Variants in CSNK2A3 observed in about 807,000 individuals in gnomAD.
The protein encoded by CSNK2A3 is casein kinase II subunit alpha 3.
A neutral mutation model predicts 36.5 loss-of-function variants in CSNK2A3; 31 were observed. The ratio of observed to expected loss-of-function variants is 0.85; its 90% CI spans 0.64 to 1.15. The LOEUF (loss-of-function observed/expected upper bound fraction) is 1.15. Among genes scored for constraint, CSNK2A3 ranks in the 50% most tolerant of loss-of-function variants. The pLI is 0.00. For missense variants in CSNK2A3, 443 were observed against 487.2 expected (o/e 0.91, Z 0.85); for synonymous variants, 152 against 176.3 (o/e 0.86, Z 1.09).
At chr11:11,352,326 A>T in the CSNK2A3 span, 1 of 1,614,032 alleles carries the variant, frequency 6.2e-7, no homozygotes, top group Admixed American at 1.7e-5. Flanking sequence ...ACGTGGATCT[A>T]ATTCAATGTT....
At position 11,352,264 on chromosome 11, in the gene CSNK2A3, G is replaced by T; in HGVS notation, c.856C>A (p.His286Asn). ...CTGACAAGGTGCTGATTTTCACTGT[G>T]GACAAAGCGTTCCCATCGCTTTCGA... The part of the protein sequence containing the change: ...HSRKRWERFV[H>N]SENQHLVSPE... The change falls in exon 1 of 1, where the codon CAC (histidine) becomes AAC (asparagine). Residue 286 changes from histidine (H) to asparagine (N), a missense_variant. Physicochemically the swap from His to Asn is moderately conservative, Grantham distance 68. Transcript: ENST00000528848. 1 of 1,614,074 alleles carries T rather than the reference G, an allele frequency of 6.2e-7. No homozygotes were observed. The highest frequency in any genetic ancestry group is 8.5e-7 in the Non-Finnish European group (1 of 1,180,020).
chr11:11,352,088 C>G lies in CSNK2A3; in HGVS notation c.1032G>C (p.Thr344=), dbSNP rs1056963. The change falls in exon 1 of 1, where the codon ACG becomes ACC. Residue 344 remains threonine, a synonymous_variant. Transcript: ENST00000528848. The stretch of plus-strand genomic sequence containing the variant: ...ACATCACATTGGCGCTGCTGACGGG[C>G]GTACTGCCCCCTGGCATGCTAGATG... ...MGSSSMPGGS[T]PVSSANVMSG... is the part of the protein sequence containing the mutation. The G allele has an allele frequency of 6.2e-7, 1 of 1,613,212 alleles. No individual in the cohort carries two copies. Among genetic ancestry groups the G allele is most frequent in the Non-Finnish European group, 8.5e-7 (1 of 1,179,956 alleles).
Position 11,352,321 on chromosome 11 carries a change from G to T in CSNK2A3, c.799C>A (p.Pro267Thr). 1.9e-6 allele frequency: 3 copies of T among 1,614,050 alleles called. No individual in the cohort carries two copies. Among genetic ancestry groups the T allele is most frequent in the Non-Finnish European group, 2.5e-6 (3 of 1,180,012 alleles). The change falls in exon 1 of 1, where the codon CCA becomes ACA. Residue 267 changes from proline (P) to threonine (T), a missense_variant. Coordinates refer to ENST00000528848, the MANE Select transcript of CSNK2A3 (RefSeq NM_001256686.2). ...YIDKYNIELD[P>T]RFNDILGRHS... ...CTGCCCAAGATATCATTGAAACGTG[G>T]ATCTAATTCAATGTTGTATTTGTCA...
chr11:11,352,435 T>C lies in CSNK2A3; in HGVS notation c.685A>G (p.Lys229Glu). 1.9e-6 allele frequency: 3 copies of C among 1,614,138 alleles called. No homozygotes were observed. Among genetic ancestry groups the C allele is most frequent in the Non-Finnish European group, 2.5e-6 (3 of 1,180,006 alleles). ...GCMLASMIFR[K>E]EPFFHGRDNY... ...TCACGTCCATGGAAAAATGGCTCCTTCCGAAAGATCATACTTGCCAGCATA... is the reference window on the plus strand; with the variant it reads ...TCACGTCCATGGAAAAATGGCTCCTCCCGAAAGATCATACTTGCCAGCATA... The change falls in exon 1 of 1, where the codon AAG becomes GAG. Residue 229 changes from lysine (K) to glutamate (E), a missense_variant. Transcript: ENST00000528848.
rs1850421456 is a variant in CSNK2A3 at position 11,352,131 on chromosome 11, T to A, written c.989A>T (p.Asp330Val). Residue 330 changes from aspartate (D) to valine (V), a missense_variant, in exon 1 of 1, where the codon GAC becomes GTC. Physicochemically the swap from Asp to Val is radical, Grantham distance 152 (BLOSUM62 -3). Coordinates refer to ENST00000528848, the MANE Select transcript of CSNK2A3 (RefSeq NM_001256686.2). ...GCTAGATGAACCCATTCGAGCCTGG[T>A]CCTTCACAACAGTGTAGAAATAGGG... ...EHPYFYTVVK[D>V]QARMGSSSMP... is the part of the protein sequence containing the mutation. 1 of 1,612,992 alleles carries A rather than the reference T, an allele frequency of 6.2e-7. No homozygotes were observed. Among genetic ancestry groups the A allele is most frequent in the South Asian group, 1.1e-5 (1 of 90,988 alleles).
rs1011482430 is a variant in CSNK2A3 at position 11,352,013 on chromosome 11, G to A, written c.1107C>T (p.Gly369=). The change falls in exon 1 of 1, where the codon GGC becomes GGT. Residue 369 remains glycine, a synonymous_variant. Transcript: ENST00000528848. ...GGTTGGCAGCAGCAATCACTGGTGA[G>A]CCTGCCAGAGGTCCAAGGGGTGAAG... ...PTPSPLGPLA[G]SPVIAAANPL... is the part of the protein sequence containing the mutation. 2.8e-5 allele frequency: 45 copies of A among 1,613,288 alleles called. No homozygotes were observed. Among genetic ancestry groups the A allele is most frequent in the African/African-American group, 5.3e-5 (4 of 74,778 alleles).
Position 11,352,354 on chromosome 11 carries a change from C to T in CSNK2A3, c.766G>A (p.Gly256Ser). The change falls in exon 1 of 1, where the codon GGC becomes AGC. Residue 256 changes from glycine to serine, a missense_variant. By Grantham distance (56) the Gly-to-Ser change is moderately conservative (BLOSUM62 0). Coordinates refer to ENST00000528848, the MANE Select transcript of CSNK2A3 (RefSeq NM_001256686.2). ...AKFLGTEDLY[G>S]YIDKYNIELD... Reference sequence around the variant, plus strand: ...TCAATGTTGTATTTGTCAATATAGCCATATAAATCTTCTGTCCCCAGAAAC... The same window carrying T: ...TCAATGTTGTATTTGTCAATATAGCTATATAAATCTTCTGTCCCCAGAAAC... The T allele has an allele frequency of 6.2e-7, 1 of 1,614,074 alleles. No individual in the cohort carries two copies. Among genetic ancestry groups the T allele is most frequent in the Non-Finnish European group, 8.5e-7 (1 of 1,180,012 alleles).
At position 11,352,751 on chromosome 11, in the gene CSNK2A3, T is replaced by C. The variant is rs755289709; in HGVS notation, c.369A>G (p.Gln123=). 5 of 1,614,032 alleles carry C rather than the reference T, an allele frequency of 3.1e-6. No homozygotes were observed. Among genetic ancestry groups the C allele is most frequent in the Non-Finnish European group, 4.2e-6 (5 of 1,180,032 alleles). The part of the protein sequence containing the change: ...FEHVNNTDFK[Q]LYQTLTDYDI... ...CATAGTCTGTTAACGTCTGGTACAA[T>C]TGCTTGAAGTCTGTGTTGTTTACGT... The change falls in exon 1 of 1, where the codon CAA becomes CAG. Residue 123 remains glutamine (Q), a synonymous_variant. Coordinates refer to ENST00000528848, the MANE Select transcript of CSNK2A3 (RefSeq NM_001256686.2).
At position 11,352,971 on chromosome 11, in the gene CSNK2A3, T is replaced by A. The variant is rs781090364; in HGVS notation, c.149A>T (p.Tyr50Phe). The A allele has an allele frequency of 1.9e-6, 3 of 1,614,206 alleles. No individual in the cohort carries two copies. The highest frequency in any genetic ancestry group is 3.3e-5 in the Admixed American group (2 of 60,022). The change falls in exon 1 of 1, where the codon TAC becomes TTC. Residue 50 changes from tyrosine to phenylalanine, a missense_variant. Coordinates refer to ENST00000528848, the MANE Select transcript of CSNK2A3 (RefSeq NM_001256686.2). ...GTTGATGGCTTCAAATACTTCACTG[T>A]ATTTACCTCGGCCTAATTTTCGAAC... Reference protein sequence around the residue: ...QLVRKLGRGKYSEVFEAINIT... With the variant: ...QLVRKLGRGKFSEVFEAINIT...
rs1486470496 is a variant in CSNK2A3, at chr11:11,353,050, A to G, written c.70T>C (p.Trp24Arg). Reference protein sequence around the residue: ...DVNTHRPREYWDYESHVVEWG... With the variant: ...DVNTHRPREYRDYESHVVEWG... ...TCCACCACATGTGACTCGTAATCCC[A>G]GTATTCTCGAGGTCTGTGTGTATTA... Residue 24 changes from tryptophan to arginine, a missense_variant, in exon 1 of 1, where the codon TGG becomes CGG. Trp to Arg is a moderately radical substitution (Grantham distance 101). Transcript: ENST00000528848. 1.2e-6 allele frequency: 2 copies of G among 1,614,164 alleles called. No individual in the cohort carries two copies. The highest frequency in any genetic ancestry group is 2.2e-5 in the East Asian group (1 of 44,878).
chr11:11,352,546 C>T lies in CSNK2A3; in HGVS notation c.574G>A (p.Val192Ile), dbSNP rs1850434217. ...GGACCTTTGAAGTATCGGGAAGCAA[C>T]TCGGACATTATATTCTTGGCCAGGA... ...YHPGQEYNVR[V>I]ASRYFKGPEL... The change falls in exon 1 of 1, where the codon GTT becomes ATT. Residue 192 changes from valine (V) to isoleucine (I), a missense_variant. Transcript: ENST00000528848. The T allele has an allele frequency of 1.2e-6, 2 of 1,614,100 alleles. No individual in the cohort carries two copies. The highest frequency in any genetic ancestry group is 1.7e-6 in the Non-Finnish European group (2 of 1,180,026).
At chr11:11,352,608 AG>A in the CSNK2A3 span, 1 of 1,614,216 alleles carries the variant, frequency 6.2e-7, no homozygotes, top group South Asian at 1.1e-5. Flanking sequence ...TATTAGTCGT[AG>A]CTTTCTGTGC....
At position 11,352,680 on chromosome 11, in the gene CSNK2A3, C is replaced by T; in HGVS notation, c.440G>A (p.Cys147Tyr). ...TCTGTGCATAATTCCCATGCTGTGA[C>T]AATAATCCAGGGCCTTCAGAATCTC... ...MYEILKALDY[C>Y]HSMGIMHRDV... Residue 147 changes from cysteine (C) to tyrosine (Y), a missense_variant, in exon 1 of 1, where the codon TGT becomes TAT. Transcript: ENST00000528848. 1 of 1,613,384 alleles carries T rather than the reference C, an allele frequency of 6.2e-7. No individual in the cohort carries two copies. Among genetic ancestry groups the T allele is most frequent in the Non-Finnish European group, 8.5e-7 (1 of 1,180,022 alleles).
rs757802728 is a variant in CSNK2A3, at chr11:11,352,521, G to C, written c.599C>G (p.Pro200Arg). The change falls in exon 1 of 1, where the codon CCT (proline) becomes CGT (arginine). Residue 200 changes from proline to arginine, a missense_variant. Physicochemically the swap from Pro to Arg is moderately radical, Grantham distance 103 (BLOSUM62 -2). Coordinates refer to ENST00000528848, the MANE Select transcript of CSNK2A3 (RefSeq NM_001256686.2). ...CATCTGATAGTCTACAAGTAGCTCA[G>C]GACCTTTGAAGTATCGGGAAGCAAC... is the stretch of plus-strand genomic sequence containing the variant. ...VRVASRYFKG[P>R]ELLVDYQMYD... The C allele has an allele frequency of 3.1e-6, 5 of 1,614,004 alleles. No homozygotes were observed. In the South Asian group the frequency reaches 5.5e-5, roughly 18 times the overall value.
In CSNK2A3 at chr11:11,353,045, A is replaced by C. The variant is rs751405463; in HGVS notation, c.75T>G (p.Asp25Glu). 2 of 1,614,030 alleles carry C rather than the reference A, an allele frequency of 1.2e-6. No homozygotes were observed. The highest frequency in any genetic ancestry group is 2.7e-5 in the African/African-American group (2 of 74,908). ...CCCATTCCACCACATGTGACTCGTA[A>C]TCCCAGTATTCTCGAGGTCTGTGTG... ...VNTHRPREYW[D>E]YESHVVEWGN... The change falls in exon 1 of 1, where the codon GAT (aspartate) becomes GAG (glutamate). Residue 25 changes from aspartate (D) to glutamate (E), a missense_variant. By Grantham distance (45) the Asp-to-Glu change is conservative (BLOSUM62 2). Coordinates refer to ENST00000528848, the MANE Select transcript of CSNK2A3 (RefSeq NM_001256686.2).
chr11:11,352,617 T>G lies in CSNK2A3; in HGVS notation c.503A>C (p.His168Pro), dbSNP rs1850436570. ...CCAGTCTATTAGTCGTAGCTTTCTG[T>G]GCTCATGATCAATCATGACATTATG... ...KPHNVMIDHE[H>P]RKLRLIDWGL... The change falls in exon 1 of 1, where the codon CAC (histidine) becomes CCC (proline). Residue 168 changes from histidine (H) to proline (P), a missense_variant. By Grantham distance (77) the His-to-Pro change is moderately conservative (BLOSUM62 -2). Coordinates refer to ENST00000528848, the MANE Select transcript of CSNK2A3 (RefSeq NM_001256686.2). 1 of 1,614,186 alleles carries G rather than the reference T, an allele frequency of 6.2e-7. No homozygotes were observed. The highest frequency in any genetic ancestry group is 8.5e-7 in the Non-Finnish European group (1 of 1,180,034).
At position 11,352,397 on chromosome 11, in the gene CSNK2A3, C is replaced by A; in HGVS notation, c.723G>T (p.Gln241His). 6.2e-7 allele frequency: 1 copy of A among 1,614,172 alleles called. No homozygotes were observed. Residue 241 changes from glutamine (Q) to histidine (H), a missense_variant, in exon 1 of 1, where the codon CAG becomes CAT. Coordinates refer to ENST00000528848, the MANE Select transcript of CSNK2A3 (RefSeq NM_001256686.2). ...CCAGAAACTTGGCTATCCTCACCAA[C>A]TGATCATAATTGTCACGTCCATGGA... ...PFFHGRDNYD[Q>H]LVRIAKFLGT... is the part of the protein sequence containing the mutation.
In CSNK2A3 at chr11:11,352,492, C is replaced by T. The variant is rs774332368; in HGVS notation, c.628G>A (p.Asp210Asn). ...PELLVDYQMYDYSLDMWRLGC... is the reference protein window; with the variant it reads ...PELLVDYQMYNYSLDMWRLGC... ...AATCTCCACATATCCAAACTATAAT[C>T]GTACATCTGATAGTCTACAAGTAGC... Residue 210 changes from aspartate (D) to asparagine (N), a missense_variant, in exon 1 of 1, where the codon GAT becomes AAT. Physicochemically the swap from Asp to Asn is conservative, Grantham distance 23. Transcript: ENST00000528848. The T allele has an allele frequency of 1.5e-5, 25 of 1,614,000 alleles. 1 individual carries two copies. Among genetic ancestry groups the T allele is most frequent in the East Asian group, 8.9e-5 (4 of 44,892 alleles).
Position 11,352,230 on chromosome 11 carries a change from G to T in CSNK2A3, c.890C>A (p.Ala297Asp). 1 of 1,613,946 alleles carries T rather than the reference G, an allele frequency of 6.2e-7. No homozygotes were observed. The highest frequency in any genetic ancestry group is 8.5e-7 in the Non-Finnish European group (1 of 1,180,004). Residue 297 changes from alanine (A) to aspartate (D), a missense_variant, in exon 1 of 1, where the codon GCC becomes GAC. Physicochemically the swap from Ala to Asp is moderately radical, Grantham distance 126. Transcript: ENST00000528848. ...CAGCAGTTTGTCCAGGAAATCCAAG[G>T]CCTCAGGGCTGACAAGGTGCTGATT... ...SENQHLVSPE[A>D]LDFLDKLLRY...
Sources: gnomAD v4.1 joint callset for allele counts on GRCh38, gnomAD v4.1.1 for gene constraint, MANE v1.5 for transcripts, NCBI Gene and HGNC (gene_info 2026-07-23, HGNC 2026-07-21) for gene names.